NAA30: variants seen among roughly 807,000 people sequenced by gnomAD.
NAA30 encodes the protein N-alpha-acetyltransferase 30.
A neutral mutation model predicts 31.4 loss-of-function variants in NAA30; 5 were observed. The observed-to-expected ratio is 0.16, with a 90% confidence interval of 0.08 to 0.33. NAA30 has a LOEUF of 0.33. NAA30 is among the 10% of genes least tolerant of loss of function. NAA30 has a pLI of 1.00. For missense variants in NAA30, 428 were observed against 490.8 expected (o/e 0.87, Z 1.21); for synonymous variants, 222 against 207.1 (o/e 1.07, Z -0.62).
rs1478760128 is a variant in NAA30 at position 57,399,903 on chromosome 14, T to C, written c.951+20T>C. ...GATGAGGTAAGTCTTTAAAAATGTT[T>C]AATATTTTTTATCTGGGCATTATTC... On this transcript the variant is annotated intron_variant, in intron 4 of 4. Transcript: ENST00000556492. 2.4e-6 allele frequency: 3 copies of C among 1,224,762 alleles called. No individual in the cohort carries two copies. Among genetic ancestry groups the C allele is most frequent in the South Asian group, 2.7e-5 (2 of 75,036 alleles). 75.9% of individuals were successfully genotyped at this position (1,224,762 alleles called of 1,614,324 possible).
intron 4 of NAA30, among the ~76,000 whole-genome samples, chr14:57,407,196 G>GTT (rs1011494172): frequency 7.9e-5 from 12 of 152,042 alleles, no homozygotes; most frequent in East Asian, 1.9e-4. Context: ...GCCAAATTGT[G>GTT]TTTTTTTTAA....
At chr14:57,390,803 CG>C (rs995235266) in intron 1 of NAA30, 98 bp downstream of exon 1, 70 of 579,008 alleles carry the variant, frequency 1.2e-4, no homozygotes, top group East Asian at 2.6e-4. Context: ...CGCTGAAGAG[CG>C]GGGGGGTGGC....
rs2066517279 is a variant in NAA30, at chr14:57,410,233, TG to T, written c.*719del. ...TAAATTATTTCAGATTTTTATAATT[TG>T]GATACTTTTTTCAGGTGAATGAAAG... On this transcript the variant is annotated 3_prime_UTR_variant, in exon 5 of 5. Coordinates refer to ENST00000556492, the MANE Select transcript of NAA30 (RefSeq NM_001011713.3). 1.3e-5 allele frequency: 2 copies of T among 152,756 alleles called. No homozygotes were observed. Among genetic ancestry groups the T allele is most frequent in the African/African-American group, 4.8e-5 (2 of 41,584 alleles). 9.5% of individuals were successfully genotyped at this position (152,756 alleles called of 1,614,324 possible).
rs2066527114 is a variant in NAA30, at chr14:57,412,296, A to T, written c.*2780A>T. On this transcript the variant is annotated 3_prime_UTR_variant, in exon 5 of 5. Transcript: ENST00000556492. ...ATTACCCTTCCCACTTGCTCGACAA[A>T]TCTATGTAAAGCAGTTTGTTTTTTC... is the stretch of plus-strand genomic sequence containing the variant. 1 of 152,174 alleles carries T rather than the reference A, an allele frequency of 6.6e-6. No homozygotes were observed. The highest frequency in any genetic ancestry group is 1.5e-5 in the Non-Finnish European group (1 of 68,010). 9.4% of individuals were successfully genotyped at this position (152,174 alleles called of 1,614,324 possible).
intron 4 of NAA30, among the ~76,000 whole-genome samples, chr14:57,405,227 A>G (rs1483225054): frequency 2.0e-5 from 3 of 152,268 alleles, no homozygotes; most frequent in East Asian, 3.9e-4. Flanking sequence ...AGCACTAATG[A>G]GTAAATTAGA....
At chr14:57,394,491 G>A (rs1462514309) in intron 2 of NAA30, among the ~76,000 whole-genome samples, 1 of 151,816 alleles carries the variant, frequency 6.6e-6, no homozygotes, top group East Asian at 1.9e-4. Flanking sequence ...GCTTTTATTT[G>A]GAAAAATTGA....
At chr14:57,409,241 A>G in intron 4 of NAA30, 138 bp from the exon 5 acceptor site, 1 of 705,190 alleles carries the variant, frequency 1.4e-6, no homozygotes, top group Non-Finnish European at 2.2e-6. Flanking sequence ...ACTGTTTTTG[A>G]GTTCTTTCTG....
rs1370593118 is a variant in NAA30 at position 57,391,019 on chromosome 14, C to T, written c.62C>T (p.Ala21Val). The T allele has an allele frequency of 4.0e-6, 6 of 1,497,244 alleles. No homozygotes were observed. Among genetic ancestry groups the T allele is most frequent in the African/African-American group, 1.5e-5 (1 of 68,290 alleles). 92.7% of individuals were successfully genotyped at this position (1,497,244 alleles called of 1,614,324 possible). Residue 21 changes from alanine to valine, a missense_variant, in exon 2 of 5, where the codon GCG (alanine) becomes GTG (valine). By Grantham distance (64) the Ala-to-Val change is moderately conservative. Coordinates refer to ENST00000556492, the MANE Select transcript of NAA30 (RefSeq NM_001011713.3). The surrounding 1 kb of genome is among the most constrained non-coding windows in gnomAD (Gnocchi z 4.1). ...LLPPPAPPAP[A>V]AVEPRCPFPA... ...CCACCACCAGCACCTCCGGCCCCGG[C>T]GGCGGTCGAGCCCCGCTGTCCCTTC...
At chr14:57,399,948 A>T (rs1594751360) in intron 4 of NAA30, 65 bp downstream of exon 4, 1 of 805,550 alleles carries the variant, frequency 1.2e-6, no homozygotes, top group East Asian at 2.5e-5. Flanking sequence ...ATTTTTAATA[A>T]ATATTTTATA....
rs2066531470 is a variant in NAA30, at chr14:57,413,227, A to C, written c.*3711A>C. The C allele has an allele frequency of 6.7e-6, 1 of 149,810 alleles. No individual in the cohort carries two copies. Among genetic ancestry groups the C allele is most frequent in the Non-Finnish European group, 1.5e-5 (1 of 67,590 alleles). 9.3% of individuals were successfully genotyped at this position (149,810 alleles called of 1,614,324 possible). On this transcript the variant is annotated 3_prime_UTR_variant, in exon 5 of 5. Transcript: ENST00000556492. ...TTTAAATAGCTGTGAATACTTCTGT[A>C]TGTCAAGATTTTCGGATTTTAGTGG... is the stretch of plus-strand genomic sequence containing the variant.
At chr14:57,403,106 G>A (rs893800796) in intron 4 of NAA30, among the ~76,000 whole-genome samples, 5 of 152,090 alleles carry the variant, frequency 3.3e-5, no homozygotes, top group Non-Finnish European at 7.4e-5. Context: ...GCTTGAACCC[G>A]AGAGGTGGAA....
intron 3 of NAA30, 120 bp from the exon 4 acceptor site, chr14:57,399,708 G>A (rs745688844): frequency 8.5e-5 from 58 of 680,240 alleles, no homozygotes; most frequent in Non-Finnish European, 1.2e-4. Context: ...GAGGTAATCC[G>A]TGTATCTGGA....
chr14:57,391,500 C>T lies in NAA30; in HGVS notation c.543C>T (p.Asp181=). 6 of 1,613,418 alleles carry T rather than the reference C, an allele frequency of 3.7e-6. No homozygotes were observed. Among genetic ancestry groups the T allele is most frequent in the Non-Finnish European group, 5.1e-6 (6 of 1,179,832 alleles). The change falls in exon 2 of 5, where the codon GAC becomes GAT. Residue 181 remains aspartate (D), a synonymous_variant. Transcript: ENST00000556492. This position sits in a 1 kb window ranked among gnomAD's most constrained non-coding sequence, Gnocchi z 4.1. ...CCGAGCAGGAGGAGGAGGAGGAAGA[C>T]GAGCAGGTGCGGCTGCTGTCTTCGT... ...EGTEQEEEEE[D]EQVRLLSSSL... is the part of the protein sequence containing the mutation.
chr14:57,390,743 C>T, intron 1 of NAA30, 38 bp downstream of exon 1: 2 of 416,780 alleles, frequency 4.8e-6, no homozygotes, highest in Non-Finnish European at 8.0e-6. Context: ...ACAGGGCTGG[C>T]GGGTGGGCCC....
In NAA30 at chr14:57,415,263, G is replaced by T. The variant is rs1312876986; in HGVS notation, c.*5747G>T. On this transcript the variant is annotated 3_prime_UTR_variant, in exon 5 of 5. Transcript: ENST00000556492. Reference sequence around the variant, plus strand: ...TAAGACTTTTCTGGTCTCCTTGACCGAGGGATTTTAGTATAAGTATTTAGT... The same window carrying T: ...TAAGACTTTTCTGGTCTCCTTGACCTAGGGATTTTAGTATAAGTATTTAGT... 1 of 152,130 alleles carries T rather than the reference G, an allele frequency of 6.6e-6. No individual in the cohort carries two copies. Among genetic ancestry groups the T allele is most frequent in the Non-Finnish European group, 1.5e-5 (1 of 68,026 alleles). The allele number at this position is 152,130 out of a possible 1,614,324, so 9.4% of individuals were successfully genotyped here. A position where few individuals can be genotyped will look rare whatever the true frequency, so the allele number is the denominator to read the frequency against.
At position 57,396,835 on chromosome 14, in the gene NAA30, C is replaced by A; in HGVS notation, c.855C>A (p.Ala285=). 1.2e-6 allele frequency: 2 copies of A among 1,613,972 alleles called. No homozygotes were observed. Among genetic ancestry groups the A allele is most frequent in the Non-Finnish European group, 1.7e-6 (2 of 1,179,948 alleles). The change falls in exon 3 of 5, where the codon GCC becomes GCA. Residue 285 remains alanine (A), a synonymous_variant. Transcript: ENST00000556492. ...HKKMFRRGYI[A]MLAVDSKYRR... is the part of the protein sequence containing the mutation. ...AGATGTTCCGCAGAGGTTATATAGC[C>A]ATGTTAGCCGTGGATTCCAAATACA...
intron 4 of NAA30, among the ~76,000 whole-genome samples, chr14:57,405,032 C>T (rs1415230945): frequency 1.3e-5 from 2 of 152,120 alleles, no homozygotes; most frequent in Non-Finnish European, 2.9e-5. Context: ...ATGTAACTTG[C>T]GGCAGACTGT....
chr14:57,409,567 T>C lies in NAA30; in HGVS notation c.*51T>C. 1.3e-6 allele frequency: 2 copies of C among 1,532,168 alleles called. No individual in the cohort carries two copies. The highest frequency in any genetic ancestry group is 1.3e-5 in the South Asian group (1 of 77,696). 94.9% of individuals were successfully genotyped at this position (1,532,168 alleles called of 1,614,324 possible). Reference sequence around the variant, plus strand: ...CATCCGCACAGAATCGACCTTTGCATGCAATGCAATTTGTACAGAATTGCT... The same window carrying C: ...CATCCGCACAGAATCGACCTTTGCACGCAATGCAATTTGTACAGAATTGCT... On this transcript the variant is annotated 3_prime_UTR_variant, in exon 5 of 5. Coordinates refer to ENST00000556492, the MANE Select transcript of NAA30 (RefSeq NM_001011713.3).
intron 3 of NAA30, among the ~76,000 whole-genome samples, chr14:57,397,659 G>A (rs944866774): frequency 3.9e-5 from 6 of 152,216 alleles, no homozygotes; most frequent in African/African-American, 1.4e-4. Context: ...GGGTGCGGTG[G>A]CTCACGCCTA....
Sources: allele counts gnomAD v4.1 joint callset (sites outside exome capture counted in the v4.1 genomes callset), GRCh38; gene constraint gnomAD v4.1.1; non-coding constraint Gnocchi (gnomAD v3.1); transcripts MANE v1.5; gene names NCBI Gene and HGNC (gene_info 2026-07-23, HGNC 2026-07-21).